ZC3H12B: variants seen among roughly 807,000 people sequenced by gnomAD.
The protein encoded by ZC3H12B is probable ribonuclease ZC3H12B.
Under a neutral mutation model 43.9 loss-of-function variants are expected in ZC3H12B, and 7 were observed. That is an observed-to-expected ratio of 0.16 (90% confidence interval 0.09 to 0.30). The LOEUF (loss-of-function observed/expected upper bound fraction) is 0.30. Among genes scored for constraint, ZC3H12B ranks in the 10% least tolerant of loss-of-function variants. The probability of loss-of-function intolerance (pLI) is 1.00; values close to 1 mark genes in which losing one functional copy is unlikely to be tolerated. For missense variants in ZC3H12B, 475 were observed against 670.2 expected (o/e 0.71, Z 3.22); for synonymous variants, 222 against 241.7 (o/e 0.92, Z 0.76).
the ZC3H12B span, among the ~76,000 whole-genome samples, chrX:65,149,798 A>G: frequency 9.6e-6 from 1 of 103,993 alleles, no homozygotes; most frequent in African/African-American, 3.5e-5. Context: ...TAATAATAAT[A>G]ATAATAATAA....
chrX:65,209,917 T>A, the ZC3H12B span, among the ~76,000 whole-genome samples: 7 of 93,813 alleles, frequency 7.5e-5, no homozygotes, highest in East Asian at 2.2e-3. Flanking sequence ...AAAAATCAAT[T>A]CAAGATGGAT....
At chrX:65,385,108 A>T (rs2066502925) in intron 2 of ZC3H12B, among the ~76,000 whole-genome samples, 1 of 111,575 alleles carries the variant, frequency 9.0e-6, no homozygotes, top group African/African-American at 3.3e-5. Context: ...GTTCTTTTGG[A>T]TTAGGATTGT....
chrX:65,389,598 C>T (rs1171639806), intron 2 of ZC3H12B, among the ~76,000 whole-genome samples: 1 of 112,762 alleles, frequency 8.9e-6, no homozygotes, highest in Non-Finnish European at 1.9e-5. Flanking sequence ...TGAGGCGATG[C>T]CTCGCCCTTC....
chrX:65,358,946 C>T, the ZC3H12B span, among the ~76,000 whole-genome samples: 1 of 111,699 alleles, frequency 9.0e-6, no homozygotes, highest in Non-Finnish European at 1.9e-5. Flanking sequence ...AGGCTGACTT[C>T]TTTGTTAGGA....
chrX:65,285,109 AATT>A, the ZC3H12B span, among the ~76,000 whole-genome samples: 18 of 108,678 alleles, frequency 1.7e-4, no homozygotes, highest in South Asian at 7.7e-4. Context: ...GCAAGAGAAT[AATT>A]ATTATTATTA....
the ZC3H12B span, among the ~76,000 whole-genome samples, chrX:65,304,545 G>A: frequency 3.7e-5 from 4 of 108,716 alleles, no homozygotes; most frequent in African/African-American, 1.3e-4. Flanking sequence ...GAACCCGGGA[G>A]GCGGAGCTTG....
At chrX:65,392,219 T>G (rs112681238) in intron 2 of ZC3H12B, among the ~76,000 whole-genome samples, 26,159 of 109,757 alleles carry the variant, frequency 0.24, 7,528 homozygotes, top group African/African-American at 0.82. Context: ...TCTCTGCCTG[T>G]CCACCAATCA....
chrX:65,306,190 TA>T, the ZC3H12B span, among the ~76,000 whole-genome samples: 1 of 112,178 alleles, frequency 8.9e-6, no homozygotes, highest in Non-Finnish European at 1.9e-5. Context: ...AACTTTTTGT[TA>T]CAAATATATT....
chrX:65,409,003 A>T (rs1466790503), intron 3 of ZC3H12B, among the ~76,000 whole-genome samples: 1 of 112,340 alleles, frequency 8.9e-6, no homozygotes, highest in Non-Finnish European at 1.9e-5. Context: ...GTGAAATAAG[A>T]AGTTAAATTT....
At chrX:65,183,994 A>G in the ZC3H12B span, among the ~76,000 whole-genome samples, 1 of 111,361 alleles carries the variant, frequency 9.0e-6, no homozygotes, top group Non-Finnish European at 1.9e-5. Context: ...TGAAATAGGA[A>G]GTAAATGGAC....
At chrX:65,048,861 G>A in the ZC3H12B span, among the ~76,000 whole-genome samples, 4 of 110,434 alleles carry the variant, frequency 3.6e-5, no homozygotes, top group Non-Finnish European at 7.6e-5. Context: ...TTTTAATCAT[G>A]GCCATTTTAA....
chrX:65,264,112 C>T, the ZC3H12B span, among the ~76,000 whole-genome samples: 1 of 111,423 alleles, frequency 9.0e-6, no homozygotes, highest in Non-Finnish European at 1.9e-5. Context: ...GCTATGGATA[C>T]TCAAAGGCAT....
intron 3 of ZC3H12B, among the ~76,000 whole-genome samples, chrX:65,499,628 A>G (rs2068337811): frequency 9.0e-6 from 1 of 111,268 alleles, no homozygotes; most frequent in Admixed American, 9.6e-5. Flanking sequence ...ATGTTGGGGG[A>G]ACCAGCAGAC....
intron 3 of ZC3H12B, among the ~76,000 whole-genome samples, chrX:65,429,056 GT>G (rs1569405191): frequency 1.8e-5 from 2 of 111,970 alleles, no homozygotes. Context: ...AGTTGCCTCG[GT>G]TTTTTTCCTA....
At chrX:65,305,254 A>T in the ZC3H12B span, among the ~76,000 whole-genome samples, 3 of 111,624 alleles carry the variant, frequency 2.7e-5, no homozygotes, top group Non-Finnish European at 3.8e-5. Flanking sequence ...ACCAAACTTC[A>T]TACAAATATT....
chrX:65,280,705 A>C, the ZC3H12B span, among the ~76,000 whole-genome samples: 2 of 111,936 alleles, frequency 1.8e-5, no homozygotes, highest in African/African-American at 6.5e-5. Flanking sequence ...TTACAAAGTT[A>C]ATAGACAAAA....
the ZC3H12B span, among the ~76,000 whole-genome samples, chrX:65,045,947 A>G: frequency 4.5e-5 from 5 of 111,786 alleles, no homozygotes; most frequent in African/African-American, 1.6e-4. Context: ...TGTATTTTCA[A>G]TGAGCAGTAA....
the ZC3H12B span, among the ~76,000 whole-genome samples, chrX:65,190,823 T>G: frequency 9.5e-6 from 1 of 105,144 alleles, no homozygotes; most frequent in Non-Finnish European, 1.9e-5. Flanking sequence ...TGGCCAGAAC[T>G]TCCAACACTA....
chrX:65,470,880 T>G (rs1276414099), intron 3 of ZC3H12B, among the ~76,000 whole-genome samples: 1 of 112,443 alleles, frequency 8.9e-6, no homozygotes, highest in Non-Finnish European at 1.9e-5. Flanking sequence ...TTTTCTACTG[T>G]GGTCTGAGAA....
Sources: gnomAD v4.1 joint callset for allele counts (sites outside exome capture counted in the v4.1 genomes callset) on GRCh38, gnomAD v4.1.1 for gene constraint, MANE v1.5 for transcripts, NCBI Gene and HGNC (gene_info 2026-07-23, HGNC 2026-07-21) for gene names.